The following UBR1 variants were observed in gnomAD, a reference collection of about 807,000 sequenced individuals.
UBR1 encodes E3 ubiquitin-protein ligase UBR1.
In UBR1, 102 loss-of-function variants were observed where a neutral mutation model predicts 242.1. The observed-to-expected ratio is 0.42, with a 90% CI of 0.36 to 0.50. The LOEUF is 0.50. UBR1 is among the 20% of genes least tolerant of loss of function. The pLI is 0.01. For synonymous variants in UBR1, 675 were observed against 684.8 expected (o/e 0.99, Z 0.22); for missense variants, 1,772 against 2,101.8 (o/e 0.84, Z 3.07).
At position 42,977,870 on chromosome 15, in the gene UBR1, G is replaced by T; in HGVS notation, c.4218+10C>A. 1 of 1,608,784 alleles carries T rather than the reference G, an allele frequency of 6.2e-7. No homozygotes were observed. The highest frequency in any genetic ancestry group is 8.5e-7 in the Non-Finnish European group (1 of 1,175,614). On this transcript the variant is annotated intron_variant, in intron 38 of 46. Coordinates refer to ENST00000290650, the MANE Select transcript of UBR1 (RefSeq NM_174916.3). ...CATGAGTGACTTAAACAAAATTACT[G>T]AACACTTACCAAAACATGAAACAGA...
chr15:42,996,951 A>G (rs1002411905), intron 33 of UBR1, among the ~76,000 whole-genome samples: 1 of 152,130 alleles, frequency 6.6e-6, no homozygotes, highest in East Asian at 1.9e-4. Flanking sequence ...CCTTCACCCT[A>G]CTGATTTCAC....
chr15:43,023,607 A>G (rs2141304457), intron 25 of UBR1, among the ~76,000 whole-genome samples: 1 of 150,398 alleles, frequency 6.6e-6, no homozygotes, highest in South Asian at 2.1e-4. Context: ...TCAAAAAAAA[A>G]AAAAAAAAAA....
At chr15:43,009,916 G>C (rs922623149) in intron 29 of UBR1, among the ~76,000 whole-genome samples, 3 of 152,192 alleles carry the variant, frequency 2.0e-5, no homozygotes, top group African/African-American at 7.2e-5. Flanking sequence ...CTGTTGCCGG[G>C]CTGGAGTGCA....
intron 46 of UBR1, 27 bp from the exon 47 acceptor site, chr15:42,945,497 T>A (rs376915685): frequency 7.9e-5 from 127 of 1,612,826 alleles, no homozygotes; most frequent in Non-Finnish European, 1.0e-4. Context: ...AAAAACAACA[T>A]GTAAGTTTGA....
At chr15:43,020,784 T>C (rs1182540847) in intron 27 of UBR1, among the ~76,000 whole-genome samples, 1 of 152,222 alleles carries the variant, frequency 6.6e-6, no homozygotes, top group African/African-American at 2.4e-5. Context: ...TGCACTGCTG[T>C]TCCCTCTTCC....
intron 15 of UBR1, among the ~76,000 whole-genome samples, chr15:43,039,334 T>C (rs1406833807): frequency 6.6e-6 from 1 of 152,254 alleles, no homozygotes; most frequent in Non-Finnish European, 1.5e-5. Flanking sequence ...TCCATTTGTT[T>C]GTGTCCTCTT....
intron 30 of UBR1, among the ~76,000 whole-genome samples, chr15:43,005,775 T>C (rs2032815990): frequency 6.6e-6 from 1 of 151,818 alleles, no homozygotes; most frequent in Non-Finnish European, 1.5e-5. Flanking sequence ...ATGCTGTTAA[T>C]CTATAACCTT....
intron 2 of UBR1, among the ~76,000 whole-genome samples, chr15:43,083,333 G>C (rs565820315): frequency 2.0e-5 from 3 of 152,280 alleles, no homozygotes; most frequent in South Asian, 4.1e-4. Flanking sequence ...TTTTGGAGGA[G>C]ACATTAAGAA....
rs188849521 is a variant in UBR1, at chr15:43,058,675, C to T, written c.1094-246G>A. On this transcript the variant is annotated intron_variant, in intron 9 of 46. Transcript: ENST00000290650. The stretch of plus-strand genomic sequence containing the variant: ...TACACTTCAATTTACTCTCTCCCAA[C>T]CTTTTCATTCTTTTTCTATTTCACT... Among the ~76,000 whole-genome samples the T allele has an allele frequency of 1.1e-4, 16 of 152,316 alleles. No homozygotes were observed. The South Asian group carries it at 3.1e-3, about 30-fold the overall frequency.
chr15:43,021,084 A>G, intron 27 of UBR1, 191 bp downstream of exon 27: 1 of 515,404 alleles, frequency 1.9e-6, no homozygotes, highest in South Asian at 2.2e-5. Flanking sequence ...GACAAAAAAA[A>G]TGAATAAATC....
intron 35 of UBR1, chr15:42,988,353 G>A (rs561756295): frequency 5.2e-6 from 1 of 191,694 alleles, no homozygotes; most frequent in East Asian, 1.3e-4. Flanking sequence ...GGAGTGCAGT[G>A]GTGCAACCAT....
intron 40 of UBR1, among the ~76,000 whole-genome samples, chr15:42,967,294 C>A (rs1189095523): frequency 2.8e-5 from 4 of 143,282 alleles, no homozygotes; most frequent in African/African-American, 1.0e-4. Context: ...AACTCCTGGG[C>A]TCAAGCAATC....
At chr15:42,970,873 C>G (rs1346212356) in intron 39 of UBR1, among the ~76,000 whole-genome samples, 1 of 152,154 alleles carries the variant, frequency 6.6e-6, no homozygotes, top group Non-Finnish European at 1.5e-5. Context: ...CAGGCGTATG[C>G]CACCATGCCC....
chr15:42,998,405 A>G, intron 32 of UBR1, 140 bp from the exon 33 acceptor site: 1 of 780,430 alleles, frequency 1.3e-6, no homozygotes, highest in South Asian at 1.5e-5. Context: ...TCACAGAAAC[A>G]TGTGTCTAAA....
chr15:42,966,301 T>G lies in UBR1; in HGVS notation c.4458-15A>C. On this transcript the variant is annotated splice_polypyrimidine_tract_variant and intron_variant, in intron 40 of 46. Coordinates refer to ENST00000290650, the MANE Select transcript of UBR1 (RefSeq NM_174916.3). ...ACCCAATGGAGCTAGGAGACAATAA[T>G]TCCAGAAGAGAACAGAATACATATC... The G allele has an allele frequency of 6.2e-7, 1 of 1,614,074 alleles. No homozygotes were observed.
Position 42,996,734 on chromosome 15 carries a change from T to G in UBR1, c.3757+1434A>C, listed in dbSNP as rs117537185. Among the ~76,000 whole-genome samples, 332 of 152,216 alleles carry G rather than the reference T, an allele frequency of 2.2e-3. 11 individuals are homozygous for G. The East Asian group carries it at 0.053, about 24-fold the overall frequency. On this transcript the variant is annotated intron_variant, in intron 33 of 46. Coordinates refer to ENST00000290650, the MANE Select transcript of UBR1 (RefSeq NM_174916.3). Reference sequence around the variant, plus strand: ...TTCATTTTCCTTAAAAGTACGTAACTGAAAGGACATAATTAAATCACAACA... The same window carrying G: ...TTCATTTTCCTTAAAAGTACGTAACGGAAAGGACATAATTAAATCACAACA...
At chr15:43,038,314 T>C (rs893136619) in intron 15 of UBR1, 82 bp from the exon 16 acceptor site, 18 of 1,423,756 alleles carry the variant, frequency 1.3e-5, no homozygotes, top group Non-Finnish European at 1.6e-5. Flanking sequence ...TAGAAACTTG[T>C]GCGATTTGAT....
At chr15:42,974,134 C>T (rs528543185) in intron 39 of UBR1, among the ~76,000 whole-genome samples, 23 of 152,254 alleles carry the variant, frequency 1.5e-4, no homozygotes, top group South Asian at 8.3e-4. Context: ...GTGATCTACA[C>T]GCCTCAGCCT....
At chr15:43,086,383 G>T in intron 1 of UBR1, 143 bp from the exon 2 acceptor site, 123 of 732,914 alleles carry the variant, frequency 1.7e-4, no homozygotes, top group East Asian at 5.9e-4. Context: ...GAAAGTGGGT[G>T]ATTAAAAAAA....
Sources: allele counts gnomAD v4.1 joint callset (sites outside exome capture counted in the v4.1 genomes callset), GRCh38; gene constraint gnomAD v4.1.1; transcripts MANE v1.5; gene names NCBI Gene and HGNC (gene_info 2026-07-23, HGNC 2026-07-21).